Variants in NT5DC1 observed in about 807,000 individuals in gnomAD.
NT5DC1 encodes 5'-nucleotidase domain containing 1.
NT5DC1 carries 42 observed loss-of-function variants against 59.4 expected under a neutral mutation model. That is an observed-to-expected ratio of 0.71 (90% CI 0.55 to 0.92). NT5DC1 has a LOEUF of 0.92. Among genes scored for constraint, NT5DC1 ranks in the 40% least tolerant of loss-of-function variants. The pLI is 0.00. For missense variants in NT5DC1, 501 were observed against 537.1 expected, an observed-to-expected ratio of 0.93 and a Z score of 0.66; for synonymous variants, 172 against 188.1, an observed-to-expected ratio of 0.91 and a Z score of 0.70.
At chr6:116,153,247 A>T (rs1194218562) in intron 6 of NT5DC1, among the ~76,000 whole-genome samples, 1 of 152,066 alleles carries the variant, frequency 6.6e-6, no homozygotes, top group African/African-American at 2.4e-5. Context: ...TTTTAGCTCT[A>T]TTTATAAGAT....
chr6:116,126,690 G>C (rs573728417), intron 6 of NT5DC1, among the ~76,000 whole-genome samples: 4 of 152,146 alleles, frequency 2.6e-5, no homozygotes, highest in African/African-American at 9.6e-5. Context: ...GCTATATTCA[G>C]TAAATGACTT....
chr6:116,179,382 T>A (rs1308765505), intron 6 of NT5DC1, among the ~76,000 whole-genome samples: 1 of 152,074 alleles, frequency 6.6e-6, no homozygotes, highest in Admixed American at 6.5e-5. Context: ...TTCATTCCTT[T>A]TCATGCATCT....
chr6:116,165,660 C>T (rs1780447151), intron 6 of NT5DC1, among the ~76,000 whole-genome samples: 1 of 152,226 alleles, frequency 6.6e-6, no homozygotes, highest in Admixed American at 6.5e-5. Flanking sequence ...ACCAGTACCA[C>T]CCCATTCAGT....
intron 6 of NT5DC1, among the ~76,000 whole-genome samples, chr6:116,179,442 G>GA (rs539989426): frequency 1.9e-4 from 29 of 151,172 alleles, no homozygotes; most frequent in African/African-American, 6.5e-4. Context: ...CAAATCAGCA[G>GA]AAAAAAAACA....
intron 6 of NT5DC1, among the ~76,000 whole-genome samples, chr6:116,202,499 T>C (rs1781369929): frequency 6.6e-6 from 1 of 151,974 alleles, no homozygotes; most frequent in South Asian, 2.1e-4. Flanking sequence ...CTTTAGAAAA[T>C]TATTATTGGC....
chr6:116,192,972 C>G (rs1311564639), intron 6 of NT5DC1, among the ~76,000 whole-genome samples: 3 of 152,044 alleles, frequency 2.0e-5, no homozygotes, highest in African/African-American at 7.2e-5. Context: ...TGCCAAGAAG[C>G]TATTTGTATG....
chr6:116,115,080 A>C (rs1204264682), intron 4 of NT5DC1, among the ~76,000 whole-genome samples: 1 of 152,214 alleles, frequency 6.6e-6, no homozygotes, highest in Non-Finnish European at 1.5e-5. Flanking sequence ...ATGTAATTCT[A>C]CCCTAAAGTC....
chr6:116,205,806 G>A (rs1582872783), intron 6 of NT5DC1, among the ~76,000 whole-genome samples: 1 of 151,918 alleles, frequency 6.6e-6, no homozygotes, highest in Admixed American at 6.6e-5. Context: ...TGACAGTAAG[G>A]AATGTGTAAT....
intron 11 of NT5DC1, among the ~76,000 whole-genome samples, chr6:116,241,300 A>C (rs1285597759): frequency 1.3e-5 from 2 of 152,214 alleles, no homozygotes; most frequent in Non-Finnish European, 2.9e-5. Context: ...GAATGTATAT[A>C]AGTATATGGT....
chr6:116,150,631 C>T (rs984476080), intron 6 of NT5DC1, among the ~76,000 whole-genome samples: 25 of 152,080 alleles, frequency 1.6e-4, no homozygotes, highest in African/African-American at 6.0e-4. Flanking sequence ...AAATAGAAGT[C>T]CCTGGACAAG....
chr6:116,118,116 T>C, intron 6 of NT5DC1, 171 bp downstream of exon 6: 1 of 649,514 alleles, frequency 1.5e-6, no homozygotes, highest in South Asian at 1.7e-5. Flanking sequence ...CTTTTATTTG[T>C]GCTTCTTTCA....
intron 4 of NT5DC1, among the ~76,000 whole-genome samples, chr6:116,114,536 A>T (rs12199005): frequency 2.0e-4 from 4 of 20,278 alleles, no homozygotes; most frequent in Admixed American, 1.2e-3. Flanking sequence ...AATTGGGGGG[A>T]GGGGGGGGGA....
At chr6:116,141,908 A>G (rs2114367503) in intron 6 of NT5DC1, among the ~76,000 whole-genome samples, 1 of 151,554 alleles carries the variant, frequency 6.6e-6, no homozygotes, top group Non-Finnish European at 1.5e-5. Flanking sequence ...ACACACACAC[A>G]CACACACACA....
chr6:116,160,948 CCAA>C (rs1780312773), intron 6 of NT5DC1, among the ~76,000 whole-genome samples: 1 of 151,860 alleles, frequency 6.6e-6, no homozygotes, highest in Non-Finnish European at 1.5e-5. Context: ...ACCCAGATGT[CCAA>C]CAATGATAGA....
chr6:116,114,003 A>C (rs796940122), intron 4 of NT5DC1, among the ~76,000 whole-genome samples: 64 of 152,308 alleles, frequency 4.2e-4, no homozygotes, highest in African/African-American at 1.5e-3. Flanking sequence ...ACAGTCCTAC[A>C]GCATAGCAAA....
intron 6 of NT5DC1, among the ~76,000 whole-genome samples, chr6:116,193,151 G>A (rs879655533): frequency 1.3e-5 from 2 of 151,972 alleles, no homozygotes; most frequent in Non-Finnish European, 2.9e-5. Context: ...TTTGTTATTA[G>A]CAACTCTTTG....
chr6:116,135,832 CAGAT>C (rs1306641859), intron 6 of NT5DC1, among the ~76,000 whole-genome samples: 1 of 69,966 alleles, frequency 1.4e-5, no homozygotes, highest in African/African-American at 5.5e-5. Context: ...AATATATTTT[CAGAT>C]ATATATATAT....
chr6:116,233,896 A>G (rs1241083312), intron 8 of NT5DC1, among the ~76,000 whole-genome samples: 4 of 151,672 alleles, frequency 2.6e-5, no homozygotes, highest in Admixed American at 1.3e-4. Context: ...GTGGAAGCAA[A>G]TTATCATCAC....
chr6:116,187,608 C>A (rs772299794), intron 6 of NT5DC1, among the ~76,000 whole-genome samples: 1 of 151,996 alleles, frequency 6.6e-6, no homozygotes, highest in Non-Finnish European at 1.5e-5. Context: ...TACAGCAGAG[C>A]AGTGGGGAAA....
Sources: gnomAD v4.1 joint callset for allele counts (sites outside exome capture counted in the v4.1 genomes callset) on GRCh38, gnomAD v4.1.1 for gene constraint, MANE v1.5 for transcripts, NCBI Gene and HGNC (gene_info 2026-07-23, HGNC 2026-07-21) for gene names.